NRXN3: variants seen among roughly 807,000 people sequenced by gnomAD.
NRXN3 encodes the protein neurexin III.
In NRXN3, 32 loss-of-function variants were observed where a neutral mutation model predicts 137.6. The ratio of observed to expected loss-of-function variants is 0.23; its 90% CI spans 0.18 to 0.31. The LOEUF is 0.31. Ranked by LOEUF, NRXN3 falls within the 10% of genes least tolerant of loss-of-function variation. The probability of loss-of-function intolerance (pLI) is 1.00; values close to 1 mark genes in which losing one functional copy is unlikely to be tolerated. For missense variants in NRXN3, 1,574 were observed against 2,062.5 expected (o/e 0.76, Z 4.59); for synonymous variants, 798 against 784.5 (o/e 1.02, Z -0.29).
chr14:79,448,006 A>G lies in NRXN3; in HGVS notation c.3263-19215A>G, dbSNP rs183006943. Among the ~76,000 whole-genome samples, 20 of 152,360 alleles carry G rather than the reference A, an allele frequency of 1.3e-4. No individual in the cohort carries two copies. The East Asian group carries it at 3.7e-3, about 28-fold the overall frequency. On this transcript the variant is annotated intron_variant, in intron 15 of 20. Coordinates refer to ENST00000335750, the MANE Select transcript of NRXN3 (RefSeq NM_001330195.2). ...ACTTAGAAAGCTGTGCAGTCATCTC[A>G]GAGTAGAATCAGACAAGGACCTCCT...
At chr14:79,381,674 T>G (rs2094474682) in intron 15 of NRXN3, among the ~76,000 whole-genome samples, 1 of 152,208 alleles carries the variant, frequency 6.6e-6, no homozygotes, top group African/African-American at 2.4e-5. Context: ...TTTTGTCCTG[T>G]GGTTTTTGTA....
At chr14:78,316,235 C>T (rs2078694762) in intron 4 of NRXN3, among the ~76,000 whole-genome samples, 1 of 152,044 alleles carries the variant, frequency 6.6e-6, no homozygotes, top group African/African-American at 2.4e-5. Context: ...AGAATAAAGG[C>T]TCCCCACCCC....
intron 10 of NRXN3, among the ~76,000 whole-genome samples, chr14:78,934,070 C>T (rs1051564964): frequency 1.3e-4 from 19 of 150,400 alleles, no homozygotes; most frequent in African/African-American, 4.4e-4. Context: ...AGATTTACTG[C>T]TCTTTGAGCT....
intron 14 of NRXN3, among the ~76,000 whole-genome samples, chr14:78,975,425 G>T (rs767503923): frequency 6.6e-6 from 1 of 152,222 alleles, no homozygotes; most frequent in Non-Finnish European, 1.5e-5. Flanking sequence ...AATAATGTGT[G>T]TGGGGGGATA....
At chr14:79,498,613 T>C (rs537400379) in intron 16 of NRXN3, among the ~76,000 whole-genome samples, 3 of 152,342 alleles carry the variant, frequency 2.0e-5, no homozygotes, top group South Asian at 4.1e-4. Flanking sequence ...AGTTTGTTCA[T>C]ACAAAGTTCT....
intron 15 of NRXN3, among the ~76,000 whole-genome samples, chr14:79,374,296 A>T (rs552243948): frequency 6.6e-6 from 1 of 152,220 alleles, no homozygotes; most frequent in East Asian, 1.9e-4. Context: ...AGACTGAAGA[A>T]CTGAGTTCGT....
intron 4 of NRXN3, among the ~76,000 whole-genome samples, chr14:78,363,131 A>G (rs2085385734): frequency 6.6e-6 from 1 of 152,102 alleles, no homozygotes; most frequent in South Asian, 2.1e-4. Context: ...CCAGCTGCCT[A>G]CCTGCCCTTC....
At chr14:78,471,936 C>A (rs947813834) in intron 4 of NRXN3, among the ~76,000 whole-genome samples, 1 of 152,166 alleles carries the variant, frequency 6.6e-6, no homozygotes, top group Non-Finnish European at 1.5e-5. Flanking sequence ...AAAGTCAAAC[C>A]TACCTTTCTG....
intron 16 of NRXN3, among the ~76,000 whole-genome samples, chr14:79,488,846 T>G (rs1047308758): frequency 6.6e-6 from 1 of 152,128 alleles, no homozygotes; most frequent in Non-Finnish European, 1.5e-5. Flanking sequence ...CTTTGGGGGA[T>G]CCCAAAATAA....
intron 19 of NRXN3, among the ~76,000 whole-genome samples, chr14:79,743,370 CTGTCTAAAATT>C (rs1258711670): frequency 6.6e-6 from 1 of 152,112 alleles, no homozygotes; most frequent in Admixed American, 6.6e-5. Flanking sequence ...GCTTAGGGAA[CTGTCTAAAATT>C]TCACTGACAA....
chr14:78,482,121 C>G (rs1389894498), intron 4 of NRXN3, among the ~76,000 whole-genome samples: 1 of 152,126 alleles, frequency 6.6e-6, no homozygotes, highest in African/African-American at 2.4e-5. Context: ...CCCACAAGTG[C>G]AAAACTTTGG....
At chr14:78,294,007 C>T (rs2076061246) in intron 3 of NRXN3, among the ~76,000 whole-genome samples, 1 of 152,204 alleles carries the variant, frequency 6.6e-6, no homozygotes, top group Non-Finnish European at 1.5e-5. Context: ...AACCCTAAAC[C>T]ATTTTCCAAG....
At chr14:79,480,440 T>A (rs776669096) in intron 16 of NRXN3, among the ~76,000 whole-genome samples, 6 of 152,176 alleles carry the variant, frequency 3.9e-5, no homozygotes, top group Non-Finnish European at 8.8e-5. Context: ...GCACAATGAA[T>A]GATCCACAAA....
intron 4 of NRXN3, among the ~76,000 whole-genome samples, chr14:78,303,127 C>T (rs1485774127): frequency 2.6e-5 from 4 of 152,116 alleles, no homozygotes; most frequent in East Asian, 1.9e-4. Flanking sequence ...AGTGGAATAC[C>T]AAATAACCTC....
At chr14:79,470,314 C>T (rs1393405167) in intron 16 of NRXN3, among the ~76,000 whole-genome samples, 1 of 152,104 alleles carries the variant, frequency 6.6e-6, no homozygotes, top group East Asian at 1.9e-4. Flanking sequence ...AAATTAATTT[C>T]TCACAGTTCT....
rs61411777 is a variant in NRXN3 at position 78,815,479 on chromosome 14, C to CTTTTTTTTTTTTTTTTTTTTTTTTTT, written c.2275+5157_2275+5158insTTTTTTTTTTTTTTTTTTTTTTTTTT. Among the ~76,000 whole-genome samples the CTTTTTTTTTTTTTTTTTTTTTTTTTT allele has an allele frequency of 7.1e-5, 6 of 84,454 alleles. 1 individual carries two copies. Among genetic ancestry groups the CTTTTTTTTTTTTTTTTTTTTTTTTTT allele is most frequent in the Admixed American group, 1.9e-4 (1 of 5,292 alleles). 55.4% of individuals were successfully genotyped at this position (84,454 alleles called of 152,430 possible). A position where few individuals can be genotyped will look rare whatever the true frequency, so the allele number is the denominator to read the frequency against. On this transcript the variant is annotated intron_variant, in intron 10 of 20. Coordinates refer to ENST00000335750, the MANE Select transcript of NRXN3 (RefSeq NM_001330195.2). ...ACTTGCTTGGATAATTTGTTTCTTT[C>CTTTTTTTTTTTTTTTTTTTTTTTTTT]TTTTTTTTTTTTTTTTTTTTTTGCC... is the stretch of plus-strand genomic sequence containing the variant.
At chr14:79,583,292 A>T (rs2153813036) in intron 16 of NRXN3, among the ~76,000 whole-genome samples, 1 of 152,252 alleles carries the variant, frequency 6.6e-6, no homozygotes, top group African/African-American at 2.4e-5. Context: ...TGTTGGGAGG[A>T]TCTAAGTAAA....
intron 2 of NRXN3, among the ~76,000 whole-genome samples, chr14:78,262,572 A>G (rs1046513321): frequency 3.3e-5 from 5 of 152,142 alleles, no homozygotes; most frequent in Non-Finnish European, 5.9e-5. Context: ...GCCATAGATC[A>G]GCCTGAAAAT....
At chr14:79,851,036 GT>G (rs1474009576) in intron 20 of NRXN3, among the ~76,000 whole-genome samples, 2 of 152,144 alleles carry the variant, frequency 1.3e-5, no homozygotes, top group African/African-American at 2.4e-5. Flanking sequence ...ACTTGTAAGA[GT>G]TTTAAAACAG....
Sources: allele counts gnomAD v4.1 joint callset (sites outside exome capture counted in the v4.1 genomes callset), GRCh38; gene constraint gnomAD v4.1.1; transcripts MANE v1.5; gene names NCBI Gene and HGNC (gene_info 2026-07-23, HGNC 2026-07-21).